The following IL1RAPL1 variants were observed in gnomAD, a reference collection of about 807,000 sequenced individuals.
IL1RAPL1 encodes the protein interleukin-1 receptor accessory protein-like 1.
In IL1RAPL1, 3 loss-of-function variants were observed where a neutral mutation model predicts 48.4. That is an observed-to-expected ratio of 0.06 (90% confidence interval 0.03 to 0.16). The LOEUF (loss-of-function observed/expected upper bound fraction) is 0.16. IL1RAPL1 is among the 10% of genes least tolerant of loss of function. The probability of loss-of-function intolerance (pLI) is 1.00; values close to 1 mark genes in which losing one functional copy is unlikely to be tolerated. For missense variants in IL1RAPL1, 349 were observed against 530.6 expected (o/e 0.66, Z 3.36); for synonymous variants, 185 against 187.7 (o/e 0.99, Z 0.12).
At chrX:28,817,040 A>C (rs901303487) in intron 2 of IL1RAPL1, among the ~76,000 whole-genome samples, 2 of 110,419 alleles carry the variant, frequency 1.8e-5, no homozygotes, top group Non-Finnish European at 3.8e-5. Context: ...TATGAATCCC[A>C]GTGTAAATTA....
intron 5 of IL1RAPL1, among the ~76,000 whole-genome samples, chrX:29,560,661 T>C (rs1449599243): frequency 2.7e-5 from 3 of 112,390 alleles, no homozygotes; most frequent in Non-Finnish European, 3.8e-5. Context: ...CTATTTATGC[T>C]GTTCATTGTA....
At chrX:29,319,688 A>G (rs1932791279) in intron 3 of IL1RAPL1, among the ~76,000 whole-genome samples, 1 of 109,425 alleles carries the variant, frequency 9.1e-6, no homozygotes, top group Admixed American at 9.9e-5. Flanking sequence ...AAAAACAACG[A>G]ACTAAGAACT....
intron 6 of IL1RAPL1, among the ~76,000 whole-genome samples, chrX:29,828,464 A>ATTT (rs1930792156): frequency 9.0e-6 from 1 of 111,632 alleles, no homozygotes; most frequent in African/African-American, 3.3e-5. Context: ...TTGATAGTTT[A>ATTT]TGTATATATT....
chrX:29,864,869 A>G (rs909580908), intron 6 of IL1RAPL1, among the ~76,000 whole-genome samples: 1 of 112,168 alleles, frequency 8.9e-6, no homozygotes, highest in Non-Finnish European at 1.9e-5. Flanking sequence ...TGCTCACATT[A>G]CAATCTAGAA....
At chrX:29,051,075 T>G (rs1012849748) in intron 2 of IL1RAPL1, among the ~76,000 whole-genome samples, 14 of 112,266 alleles carry the variant, frequency 1.2e-4, no homozygotes, top group Non-Finnish European at 1.9e-4. Flanking sequence ...TTATACATGT[T>G]TTTTGGAAGG....
intron 2 of IL1RAPL1, among the ~76,000 whole-genome samples, chrX:28,793,503 T>C (rs1286020337): frequency 1.8e-5 from 2 of 111,788 alleles, no homozygotes; most frequent in Non-Finnish European, 3.8e-5. Context: ...AAAAATATTA[T>C]TATTACTTTG....
intron 1 of IL1RAPL1, among the ~76,000 whole-genome samples, chrX:28,768,279 C>A (rs1412445799): frequency 9.0e-6 from 1 of 110,699 alleles, no homozygotes; most frequent in African/African-American, 3.3e-5. Flanking sequence ...ATATAAAAGT[C>A]AATATGTTGA....
At chrX:29,885,532 C>T (rs1407449901) in intron 6 of IL1RAPL1, among the ~76,000 whole-genome samples, 11 of 111,515 alleles carry the variant, frequency 9.9e-5, no homozygotes, top group Admixed American at 9.6e-4. Flanking sequence ...TACAATCAGA[C>T]GGGCATGGTG....
intron 2 of IL1RAPL1, among the ~76,000 whole-genome samples, chrX:29,175,780 A>C: frequency 1.1e-5 from 1 of 94,298 alleles, no homozygotes; most frequent in Non-Finnish European, 2.0e-5. Context: ...CAGGAGGTAG[A>C]GGTTGCATTG....
At chrX:29,259,769 C>A (rs1393349619) in intron 2 of IL1RAPL1, among the ~76,000 whole-genome samples, 2 of 111,270 alleles carry the variant, frequency 1.8e-5, no homozygotes, top group African/African-American at 6.5e-5. Flanking sequence ...TGACATATAA[C>A]CTATACATGG....
chrX:28,737,228 TTTC>T (rs1935851726), intron 1 of IL1RAPL1, among the ~76,000 whole-genome samples: 1 of 89,848 alleles, frequency 1.1e-5, no homozygotes, highest in Non-Finnish European at 2.2e-5. Flanking sequence ...TCTTTCTTTC[TTTC>T]TTTCTTTCTT....
chrX:29,704,893 T>C (rs972772697), intron 6 of IL1RAPL1, among the ~76,000 whole-genome samples: 1 of 111,378 alleles, frequency 9.0e-6, no homozygotes, highest in African/African-American at 3.3e-5. Context: ...TCCATGACCA[T>C]AGAATTCTAC....
chrX:29,525,421 A>G (rs1236544140), intron 5 of IL1RAPL1, among the ~76,000 whole-genome samples: 1 of 112,270 alleles, frequency 8.9e-6, no homozygotes, highest in Non-Finnish European at 1.9e-5. Flanking sequence ...AGAAGGCACT[A>G]GAAGGGGGGC....
intron 1 of IL1RAPL1, among the ~76,000 whole-genome samples, chrX:28,668,687 C>T (rs950665690): frequency 1.8e-5 from 2 of 112,766 alleles, no homozygotes; most frequent in Non-Finnish European, 3.7e-5. Flanking sequence ...CAAATAGCCA[C>T]ATCTATTCAA....
In IL1RAPL1 at chrX:29,787,649, G is replaced by A. The variant is rs189264730; in HGVS notation, c.778+119145G>A. On this transcript the variant is annotated intron_variant, in intron 6 of 10. Coordinates refer to ENST00000378993, the MANE Select transcript of IL1RAPL1 (RefSeq NM_014271.4). ...GTTATAGAAGATCTTGAGAGTACTA[G>A]ACAGATGGAAGTGGAGAATGCATCC... Among the ~76,000 whole-genome samples, 20 of 111,930 alleles carry A rather than the reference G, an allele frequency of 1.8e-4. No homozygotes were observed. The East Asian group carries it at 4.8e-3, about 27-fold the overall frequency.
At chrX:29,524,020 A>T (rs749427231) in intron 5 of IL1RAPL1, among the ~76,000 whole-genome samples, 32 of 110,880 alleles carry the variant, frequency 2.9e-4, no homozygotes, top group Admixed American at 1.3e-3. Flanking sequence ...ACTAAAAAAA[A>T]ATCTTTTTCT....
chrX:29,885,662 T>TAAAA (rs745730940), intron 6 of IL1RAPL1, among the ~76,000 whole-genome samples: 1 of 109,376 alleles, frequency 9.1e-6, no homozygotes, highest in Non-Finnish European at 1.9e-5. Context: ...AATGAAAAAA[T>TAAAA]AAAAAAATCA....
Position 28,659,287 on chromosome X carries a change from C to G in IL1RAPL1, c.-25+71240C>G, listed in dbSNP as rs61735489. 921 of 556,343 alleles carry G rather than the reference C, an allele frequency of 1.7e-3. 5 individuals are homozygous for G. In the African/African-American group the frequency reaches 0.018, roughly 11 times the overall value. 45.8% of individuals were successfully genotyped at this position (556,343 alleles called of 1,213,427 possible). A position where few individuals can be genotyped will look rare whatever the true frequency, so the allele number is the denominator to read the frequency against. On this transcript the variant is annotated intron_variant, in intron 1 of 10. Coordinates refer to ENST00000378993, the MANE Select transcript of IL1RAPL1 (RefSeq NM_014271.4). The stretch of plus-strand genomic sequence containing the variant: ...AACGCTGGACGGGAAGTTTGTGAAT[C>G]AGAAGTTCAGTGGACTTCTGATGAC...
chrX:28,928,362 T>C (rs1438893077), intron 2 of IL1RAPL1, among the ~76,000 whole-genome samples: 1 of 111,505 alleles, frequency 9.0e-6, no homozygotes, highest in Admixed American at 9.6e-5. Context: ...CAATTAAATC[T>C]CCCTTCTTCC....
Sources: allele counts gnomAD v4.1 joint callset (sites outside exome capture counted in the v4.1 genomes callset), GRCh38; gene constraint gnomAD v4.1.1; transcripts MANE v1.5; gene names NCBI Gene and HGNC (gene_info 2026-07-23, HGNC 2026-07-21).